The following CTNNA2 variants were observed in gnomAD, a reference collection of about 807,000 sequenced individuals.
CTNNA2 encodes catenin alpha 2.
A neutral mutation model predicts 101.0 loss-of-function variants in CTNNA2; 42 were observed. The observed-to-expected ratio is 0.42, with a 90% CI of 0.32 to 0.54. The LOEUF is 0.54. CTNNA2 is among the 20% of genes least tolerant of loss of function. The pLI is 0.14. For missense variants in CTNNA2, 871 were observed against 1,223.1 expected, an observed-to-expected ratio of 0.71 and a Z score of 4.29; for synonymous variants, 450 against 456.4, an observed-to-expected ratio of 0.99 and a Z score of 0.18.
intron 1 of CTNNA2, among the ~76,000 whole-genome samples, chr2:79,628,243 G>C (rs1009411245): frequency 2.0e-5 from 3 of 152,116 alleles, no homozygotes; most frequent in African/African-American, 2.4e-5. Context: ...CTTGAGGTCA[G>C]TAGTTTCAGA....
chr2:79,927,696 A>G (rs532796859), intron 7 of CTNNA2, among the ~76,000 whole-genome samples: 269 of 152,354 alleles, frequency 1.8e-3, no homozygotes, highest in Non-Finnish European at 3.4e-3. Context: ...TCTGTCATAT[A>G]TTAGGTTTTG....
chr2:79,386,092 T>C (rs1440407400), intron 4 of CTNNA2, among the ~76,000 whole-genome samples: 2 of 152,186 alleles, frequency 1.3e-5, no homozygotes, highest in South Asian at 2.1e-4. Flanking sequence ...TTCTAGATCC[T>C]TGAGGAATTG....
chr2:80,075,670 A>G (rs1452571848), intron 7 of CTNNA2, among the ~76,000 whole-genome samples: 7 of 110,082 alleles, frequency 6.4e-5, no homozygotes, highest in African/African-American at 2.7e-4. Flanking sequence ...TTATACATGT[A>G]TAAATATTAT....
chr2:79,532,615 A>G (rs1672812687), intron 1 of CTNNA2, among the ~76,000 whole-genome samples: 1 of 152,024 alleles, frequency 6.6e-6, no homozygotes, highest in African/African-American at 2.4e-5. Flanking sequence ...TCGCTGATGT[A>G]TTTTTGAATG....
chr2:80,034,841 A>C (rs1259984623), intron 7 of CTNNA2, among the ~76,000 whole-genome samples: 1 of 152,204 alleles, frequency 6.6e-6, no homozygotes, highest in Non-Finnish European at 1.5e-5. Flanking sequence ...ATAAATCTGC[A>C]CAACTCCTGT....
At chr2:80,600,679 C>T (rs576850463) in intron 15 of CTNNA2, among the ~76,000 whole-genome samples, 26 of 152,096 alleles carry the variant, frequency 1.7e-4, no homozygotes, top group Admixed American at 8.5e-4. Flanking sequence ...TACATTTTAA[C>T]GTCTAAACGA....
chr2:79,743,620 G>C (rs1671449305), intron 2 of CTNNA2, among the ~76,000 whole-genome samples: 1 of 150,402 alleles, frequency 6.6e-6, no homozygotes, highest in Non-Finnish European at 1.5e-5. Context: ...TGCAACCTCT[G>C]CCTCCCGAGT....
At chr2:79,982,482 C>CACACAT (rs1181329274) in intron 7 of CTNNA2, among the ~76,000 whole-genome samples, 1 of 149,670 alleles carries the variant, frequency 6.7e-6, no homozygotes, top group Non-Finnish European at 1.5e-5. Flanking sequence ...TACACACACA[C>CACACAT]ACACACACAC....
chr2:80,549,706 C>T (rs188817856), intron 11 of CTNNA2, among the ~76,000 whole-genome samples: 24 of 152,198 alleles, frequency 1.6e-4, no homozygotes, highest in African/African-American at 5.5e-4. Flanking sequence ...CTCTTTACTT[C>T]ATGAATTCTT....
intron 9 of CTNNA2, among the ~76,000 whole-genome samples, chr2:80,494,187 T>C (rs1210954109): frequency 6.6e-6 from 1 of 152,188 alleles, no homozygotes; most frequent in Admixed American, 6.5e-5. Flanking sequence ...TGGGAGAGTC[T>C]TAAACATAAG....
chr2:80,445,663 G>C (rs1251379411), intron 9 of CTNNA2, among the ~76,000 whole-genome samples: 1 of 152,122 alleles, frequency 6.6e-6, no homozygotes, highest in African/African-American at 2.4e-5. Flanking sequence ...TTTTTAACAA[G>C]CTCCTAACTC....
intron 3 of CTNNA2, among the ~76,000 whole-genome samples, chr2:79,808,247 G>A (rs1676730881): frequency 6.6e-6 from 1 of 152,136 alleles, no homozygotes; most frequent in East Asian, 1.9e-4. Context: ...AATATTGGGG[G>A]TTGCATGTAT....
At chr2:79,671,772 C>A (rs1480665626) in intron 2 of CTNNA2, among the ~76,000 whole-genome samples, 1 of 152,194 alleles carries the variant, frequency 6.6e-6, no homozygotes, top group Non-Finnish European at 1.5e-5. Context: ...ATATGAGAGT[C>A]ACCAAGTTTT....
chr2:79,496,492 AT>A (rs1197285453), intron 4 of CTNNA2, among the ~76,000 whole-genome samples: 1 of 151,878 alleles, frequency 6.6e-6, no homozygotes, highest in African/African-American at 2.4e-5. Context: ...TCTTTGACAA[AT>A]TTTTCACTCA....
chr2:80,097,971 G>A (rs1362305459), intron 7 of CTNNA2, among the ~76,000 whole-genome samples: 1 of 152,054 alleles, frequency 6.6e-6, no homozygotes, highest in Non-Finnish European at 1.5e-5. Flanking sequence ...TTAGCTCGGA[G>A]TAGTTCGATC....
chr2:80,106,700 TA>T (rs1700909932), intron 7 of CTNNA2, among the ~76,000 whole-genome samples: 1 of 152,140 alleles, frequency 6.6e-6, no homozygotes, highest in Admixed American at 6.5e-5. Context: ...TAACAATTCT[TA>T]GGAAATTCTG....
chr2:80,468,432 T>TTTA (rs1559135154), intron 9 of CTNNA2, among the ~76,000 whole-genome samples: 16 of 150,212 alleles, frequency 1.1e-4, no homozygotes, highest in African/African-American at 4.0e-4. Context: ...TTATTTATTT[T>TTTA]TTTTGAGATG....
At chr2:80,300,281 GGTGTGTGTGT>G (rs70940079) in intron 7 of CTNNA2, among the ~76,000 whole-genome samples, 1,744 of 93,124 alleles carry the variant, frequency 0.019, 43 homozygotes, top group African/African-American at 0.067. Flanking sequence ...GGGGTGTTGG[GGTGTGTGTGT>G]GTGTGTGTGT....
intron 3 of CTNNA2, among the ~76,000 whole-genome samples, chr2:79,781,313 T>C (rs1260448736): frequency 2.6e-5 from 4 of 152,200 alleles, no homozygotes; most frequent in African/African-American, 9.6e-5. Context: ...TGGTGGGTTT[T>C]AGCTGGTTTC....
Sources: gnomAD v4.1 joint callset for allele counts (sites outside exome capture counted in the v4.1 genomes callset) on GRCh38, gnomAD v4.1.1 for gene constraint, MANE v1.5 for transcripts, NCBI Gene and HGNC (gene_info 2026-07-23, HGNC 2026-07-21) for gene names.